The following ASIC2 variants were observed in gnomAD, a reference collection of about 807,000 sequenced individuals.
ASIC2 encodes acid-sensing ion channel 2.
In ASIC2, 25 loss-of-function variants were observed where a neutral mutation model predicts 57.3. That is an observed-to-expected ratio of 0.44 (90% CI 0.32 to 0.61). The LOEUF is 0.61. ASIC2 is among the 20% of genes least tolerant of loss of function. The pLI is 0.06. For missense variants in ASIC2, 641 were observed against 738.1 expected (o/e 0.87, Z 1.52); for synonymous variants, 319 against 307.5 (o/e 1.04, Z -0.39).
intron 1 of ASIC2, among the ~76,000 whole-genome samples, chr17:33,999,969 TGTCTGTGGAA>T (rs1017842169): frequency 5.3e-5 from 8 of 152,182 alleles, no homozygotes; most frequent in African/African-American, 1.7e-4. Context: ...AGATTTTGTT[TGTCTGTGGAA>T]GTCTTTATCT....
chr17:34,045,298 G>A (rs1204912413), intron 1 of ASIC2, among the ~76,000 whole-genome samples: 2 of 152,100 alleles, frequency 1.3e-5, no homozygotes, highest in Non-Finnish European at 2.9e-5. Context: ...ACTACCCATG[G>A]GCAATGTGAG....
chr17:33,919,296 C>T (rs1423985624), intron 1 of ASIC2, among the ~76,000 whole-genome samples: 2 of 152,108 alleles, frequency 1.3e-5, no homozygotes, highest in East Asian at 1.9e-4. Flanking sequence ...AGCCCAAAAA[C>T]CCTATTGCTG....
intron 1 of ASIC2, among the ~76,000 whole-genome samples, chr17:33,900,948 T>C (rs12601967): frequency 0.22 from 33,665 of 152,138 alleles, 4,003 homozygotes; most frequent in East Asian, 0.34. Flanking sequence ...GGGAGACAGG[T>C]TCACAGCTTC....
intron 1 of ASIC2, among the ~76,000 whole-genome samples, chr17:33,931,740 T>C (rs1019131271): frequency 6.6e-6 from 1 of 152,200 alleles, no homozygotes; most frequent in Non-Finnish European, 1.5e-5. Flanking sequence ...GGAAAAGGAC[T>C]GCTTTGCTGA....
rs373112422 is a variant in ASIC2, at chr17:33,414,771, C to T, written c.556-302704G>A. On this transcript the variant is annotated intron_variant, in intron 1 of 9. Transcript: ENST00000359872. Reference sequence around the variant, plus strand: ...TAATTTGGTTCTGTCACTGAAATCACATTAGGCCCCACTCTGCTCTTCAAA... The same window carrying T: ...TAATTTGGTTCTGTCACTGAAATCATATTAGGCCCCACTCTGCTCTTCAAA... Among the ~76,000 whole-genome samples, 28 of 152,340 alleles carry T rather than the reference C, an allele frequency of 1.8e-4. No homozygotes were observed. The South Asian group carries it at 5.4e-3, about 29-fold the overall frequency.
chr17:33,578,409 G>T (rs951946458), intron 1 of ASIC2, among the ~76,000 whole-genome samples: 1 of 151,998 alleles, frequency 6.6e-6, no homozygotes, highest in Non-Finnish European at 1.5e-5. Context: ...ATCTCTTCAG[G>T]CTCTGCTACC....
chr17:33,540,981 A>G (rs556226507), intron 1 of ASIC2, among the ~76,000 whole-genome samples: 11 of 152,276 alleles, frequency 7.2e-5, no homozygotes, highest in African/African-American at 2.4e-4. Context: ...TCATCTTCTT[A>G]AAAAGAGAAT....
rs145470201 is a variant in ASIC2 at position 34,155,926 on chromosome 17, G to A, written c.555+52C>T. 2,779 of 1,540,650 alleles carry A rather than the reference G, an allele frequency of 1.8e-3. 5 individuals carry two copies. The highest frequency in any genetic ancestry group is 6.6e-3 in the East Asian group (292 of 44,312). On this transcript the variant is annotated intron_variant, in intron 1 of 9. Coordinates refer to the ASIC2 transcript ENST00000359872. ...CCAAACCAAGCAGGAGACCACCGGC[G>A]CACCACTTCTCCAGAGGACCAGACA...
At chr17:33,726,734 A>T (rs2142087673) in intron 1 of ASIC2, among the ~76,000 whole-genome samples, 1 of 152,338 alleles carries the variant, frequency 6.6e-6, no homozygotes, top group Non-Finnish European at 1.5e-5. Flanking sequence ...GGATAACCTC[A>T]AGCTAGGACT....
At chr17:33,169,416 C>T (rs753604614) in intron 1 of ASIC2, among the ~76,000 whole-genome samples, 51 of 152,174 alleles carry the variant, frequency 3.4e-4, no homozygotes, top group Admixed American at 1.2e-3. Context: ...CTCAGAGATT[C>T]GCTGTGAAAA....
intron 1 of ASIC2, among the ~76,000 whole-genome samples, chr17:33,345,611 G>A (rs1907912338): frequency 6.6e-6 from 1 of 152,154 alleles, no homozygotes; most frequent in African/African-American, 2.4e-5. Context: ...AATGCTGTGA[G>A]GTGGAAAGAG....
In ASIC2 at chr17:33,043,027, T is replaced by C. The variant is rs544941807; in HGVS notation, c.988-14635A>G. Among the ~76,000 whole-genome samples the C allele has an allele frequency of 8.7e-5, 13 of 149,904 alleles. No homozygotes were observed. The South Asian group carries it at 1.7e-3, about 20-fold the overall frequency. On this transcript the variant is annotated intron_variant, in intron 3 of 9. Coordinates refer to ENST00000225823, the MANE Select transcript of ASIC2 (RefSeq NM_183377.2). ...CCTCAAGCTCCGCCTCCCAGGTTCA[T>C]GCCATTCTCCTGCCTCAGCCTCCCA...
intron 1 of ASIC2, among the ~76,000 whole-genome samples, chr17:33,569,737 C>T (rs906952780): frequency 1.3e-4 from 20 of 152,132 alleles, no homozygotes; most frequent in African/African-American, 4.1e-4. Flanking sequence ...TCTATCCATC[C>T]GTCCATCCAT....
chr17:33,618,059 A>G (rs917845813), intron 1 of ASIC2, among the ~76,000 whole-genome samples: 2 of 152,074 alleles, frequency 1.3e-5, no homozygotes, highest in African/African-American at 4.8e-5. Flanking sequence ...TCTCAGACCA[A>G]TAGTTGATTG....
chr17:33,026,815 C>A (rs558017329), intron 4 of ASIC2, among the ~76,000 whole-genome samples: 1 of 152,132 alleles, frequency 6.6e-6, no homozygotes, highest in Non-Finnish European at 1.5e-5. Context: ...TAAAGTCCAC[C>A]ATGTTTTTTT....
At chr17:33,737,235 T>C (rs1473082176) in intron 1 of ASIC2, among the ~76,000 whole-genome samples, 9 of 152,252 alleles carry the variant, frequency 5.9e-5, no homozygotes, top group Admixed American at 5.2e-4. Context: ...GATCAAAAAA[T>C]AGACTCATTT....
At chr17:33,960,390 T>G (rs1904881120) in intron 1 of ASIC2, among the ~76,000 whole-genome samples, 1 of 152,214 alleles carries the variant, frequency 6.6e-6, no homozygotes, top group African/African-American at 2.4e-5. Flanking sequence ...GTGTTTTCAT[T>G]GCCAGAGATG....
chr17:33,984,531 A>G (rs981868450), intron 1 of ASIC2, among the ~76,000 whole-genome samples: 2 of 152,216 alleles, frequency 1.3e-5, no homozygotes, highest in Non-Finnish European at 2.9e-5. Flanking sequence ...GGCACGTAAA[A>G]GGGCCAAGAG....
At chr17:33,675,543 G>A (rs573819812) in intron 1 of ASIC2, among the ~76,000 whole-genome samples, 1 of 151,956 alleles carries the variant, frequency 6.6e-6, no homozygotes, top group South Asian at 2.1e-4. Flanking sequence ...TGCTTGCTTG[G>A]GTTTATAGGT....
Sources: allele counts gnomAD v4.1 joint callset (sites outside exome capture counted in the v4.1 genomes callset), GRCh38; gene constraint gnomAD v4.1.1; transcripts MANE v1.5; gene names NCBI Gene and HGNC (gene_info 2026-07-23, HGNC 2026-07-21).